The following LTBP1 variants were observed in gnomAD, a reference collection of about 807,000 sequenced individuals.
LTBP1 encodes latent-transforming growth factor beta-binding protein 1.
A neutral mutation model predicts 207.6 loss-of-function variants in LTBP1; 129 were observed. The ratio of observed to expected loss-of-function variants is 0.62; its 90% CI spans 0.54 to 0.72. The LOEUF (loss-of-function observed/expected upper bound fraction) is 0.72. Ranked by LOEUF, LTBP1 falls within the 30% of genes least tolerant of loss-of-function variation. The probability of loss-of-function intolerance (pLI) is 0.00; values close to 1 mark genes in which losing one functional copy is unlikely to be tolerated. For synonymous variants in LTBP1, 963 were observed against 833.7 expected, an observed-to-expected ratio of 1.16 and a Z score of -2.67; for missense variants, 2,281 against 2,217.2, an observed-to-expected ratio of 1.03 and a Z score of -0.58.
intron 15 of LTBP1, among the ~76,000 whole-genome samples, chr2:33,264,531 T>G (rs1458008231): frequency 1.3e-5 from 2 of 152,182 alleles, no homozygotes; most frequent in African/African-American, 4.8e-5. Flanking sequence ...TATTGAGCTC[T>G]TATAAATCAA....
chr2:32,997,618 G>T (rs958807754), intron 2 of LTBP1, among the ~76,000 whole-genome samples: 1 of 152,152 alleles, frequency 6.6e-6, no homozygotes, highest in Admixed American at 6.5e-5. Context: ...TGGGATGGTC[G>T]GGATCCTGTG....
At chr2:33,001,720 C>T (rs1395889811) in intron 2 of LTBP1, among the ~76,000 whole-genome samples, 3 of 134,780 alleles carry the variant, frequency 2.2e-5, no homozygotes, top group African/African-American at 7.8e-5. Flanking sequence ...GGTCCCCGTG[C>T]TGCTCATCGT....
At chr2:33,138,125 C>T (rs1399531776) in intron 5 of LTBP1, among the ~76,000 whole-genome samples, 1 of 152,108 alleles carries the variant, frequency 6.6e-6, no homozygotes, top group Non-Finnish European at 1.5e-5. Flanking sequence ...TAATTCCTTC[C>T]TTCCTTCATG....
intron 3 of LTBP1, among the ~76,000 whole-genome samples, chr2:33,066,472 A>C (rs1029558930): frequency 1.3e-5 from 2 of 152,122 alleles, no homozygotes; most frequent in Non-Finnish European, 2.9e-5. Context: ...ATTTTTTATC[A>C]GTGTAAATCC....
At chr2:33,102,154 CCTGT>C (rs2079775357) in intron 3 of LTBP1, among the ~76,000 whole-genome samples, 1 of 152,126 alleles carries the variant, frequency 6.6e-6, no homozygotes, top group Non-Finnish European at 1.5e-5. Context: ...TCTCTGTAAA[CCTGT>C]CTGTCATTGG....
intron 24 of LTBP1, among the ~76,000 whole-genome samples, chr2:33,315,807 G>A (rs1436099810): frequency 2.6e-5 from 4 of 152,080 alleles, no homozygotes; most frequent in Non-Finnish European, 5.9e-5. Context: ...TGTGGTGGTG[G>A]GTGTCTGTGA....
chr2:33,030,803 T>C (rs1558536790), intron 3 of LTBP1, among the ~76,000 whole-genome samples: 1 of 152,228 alleles, frequency 6.6e-6, no homozygotes, highest in Non-Finnish European at 1.5e-5. Flanking sequence ...AATTGCTGTC[T>C]GTGAAGTCTT....
intron 5 of LTBP1, among the ~76,000 whole-genome samples, chr2:33,157,150 G>A (rs1346099284): frequency 6.6e-6 from 1 of 152,184 alleles, no homozygotes; most frequent in Non-Finnish European, 1.5e-5. Flanking sequence ...AATCTTAAAT[G>A]TAGAGATGCT....
chr2:33,180,245 A>G (rs915921639), intron 5 of LTBP1, among the ~76,000 whole-genome samples: 1 of 152,186 alleles, frequency 6.6e-6, no homozygotes, highest in Admixed American at 6.5e-5. Flanking sequence ...GAACACAACA[A>G]CTGTAAATCT....
intron 2 of LTBP1, among the ~76,000 whole-genome samples, chr2:33,019,745 G>T (rs148264324): frequency 6.6e-6 from 1 of 152,136 alleles, no homozygotes; most frequent in African/African-American, 2.4e-5. Flanking sequence ...TTGAGATTGG[G>T]TTACATTCTG....
At chr2:33,312,154 C>G (rs1358961510) in intron 23 of LTBP1, among the ~76,000 whole-genome samples, 1 of 152,200 alleles carries the variant, frequency 6.6e-6, no homozygotes, top group African/African-American at 2.4e-5. Context: ...CTACTTTTCT[C>G]TAATCCCTTG....
At chr2:32,987,790 C>T (rs1283517146) in intron 2 of LTBP1, among the ~76,000 whole-genome samples, 4 of 152,116 alleles carry the variant, frequency 2.6e-5, no homozygotes, top group Non-Finnish European at 5.9e-5. Context: ...ATACCTCTAG[C>T]CATATTTACA....
intron 26 of LTBP1, among the ~76,000 whole-genome samples, chr2:33,356,086 G>A (rs2094855223): frequency 6.6e-6 from 1 of 151,954 alleles, no homozygotes. Flanking sequence ...GTATTTCCAA[G>A]GAAGAAGGCT....
At chr2:33,045,825 T>A (rs1354678700) in intron 3 of LTBP1, among the ~76,000 whole-genome samples, 2 of 152,184 alleles carry the variant, frequency 1.3e-5, no homozygotes, top group Admixed American at 1.3e-4. Context: ...GAAGAGGTCC[T>A]TCACATCCCT....
chr2:33,093,737 C>G (rs2079233335), intron 3 of LTBP1, among the ~76,000 whole-genome samples: 1 of 151,854 alleles, frequency 6.6e-6, no homozygotes, highest in Non-Finnish European at 1.5e-5. Flanking sequence ...AATTGTGAAG[C>G]TACAGTTATC....
At chr2:33,254,997 T>C (rs1416158092) in intron 11 of LTBP1, among the ~76,000 whole-genome samples, 1 of 145,534 alleles carries the variant, frequency 6.9e-6, no homozygotes, top group African/African-American at 2.6e-5. Flanking sequence ...TACATATGTA[T>C]ACATGTGCCA....
intron 31 of LTBP1, among the ~76,000 whole-genome samples, chr2:33,378,183 A>ATGTGTG (rs1196073958): frequency 0.016 from 2,238 of 136,226 alleles, 24 homozygotes; most frequent in Non-Finnish European, 0.021. Context: ...ATATATATAT[A>ATGTGTG]TATGTGTGTG....
intron 2 of LTBP1, among the ~76,000 whole-genome samples, chr2:32,971,005 TGTGTG>T (rs1386242654): frequency 2.5e-3 from 28 of 11,312 alleles, no homozygotes; most frequent in Non-Finnish European, 9.3e-3. Flanking sequence ...TAGGTATTTG[TGTGTG>T]TGTGTGTGTG....
intron 31 of LTBP1, among the ~76,000 whole-genome samples, chr2:33,388,914 T>A (rs976789798): frequency 6.6e-6 from 1 of 152,258 alleles, no homozygotes; most frequent in African/African-American, 2.4e-5. Context: ...AGCCCTTTAC[T>A]GCTCTGGGAT....
Sources: gnomAD v4.1 joint callset for allele counts (sites outside exome capture counted in the v4.1 genomes callset) on GRCh38, gnomAD v4.1.1 for gene constraint, MANE v1.5 for transcripts, NCBI Gene and HGNC (gene_info 2026-07-23, HGNC 2026-07-21) for gene names.